Variants in CALN1 observed in about 807,000 individuals in gnomAD.
CALN1 encodes calneuron 1.
A neutral mutation model predicts 30.6 loss-of-function variants in CALN1; 17 were observed. The ratio of observed to expected loss-of-function variants is 0.56; its 90% CI spans 0.38 to 0.83. The LOEUF (loss-of-function observed/expected upper bound fraction) is 0.83. Among genes scored for constraint, CALN1 ranks in the 40% least tolerant of loss-of-function variants. The pLI is 0.00. For missense variants in CALN1, 291 were observed against 354.9 expected, an observed-to-expected ratio of 0.82 and a Z score of 1.45; for synonymous variants, 156 against 131.4, an observed-to-expected ratio of 1.19 and a Z score of -1.28.
chr7:72,437,681 T>C (rs1808209068), intron 1 of CALN1, among the ~76,000 whole-genome samples: 1 of 41,528 alleles, frequency 2.4e-5, no homozygotes, highest in Non-Finnish European at 5.0e-5. Context: ...TTTCCTTTTT[T>C]CTTTCCTTCC....
chr7:71,971,342 T>C (rs1797786845), intron 5 of CALN1, among the ~76,000 whole-genome samples: 1 of 151,806 alleles, frequency 6.6e-6, no homozygotes, highest in Admixed American at 6.6e-5. Context: ...CCCAGCTACT[T>C]GGGAGGCTGA....
intron 3 of CALN1, among the ~76,000 whole-genome samples, chr7:72,267,605 T>A (rs886229397): frequency 7.2e-5 from 11 of 152,358 alleles, no homozygotes; most frequent in African/African-American, 2.6e-4. Flanking sequence ...GCATGGGCTG[T>A]GCAGCCAGGT....
chr7:72,408,755 C>A (rs1806889974), intron 1 of CALN1, among the ~76,000 whole-genome samples: 1 of 141,406 alleles, frequency 7.1e-6, no homozygotes, highest in Admixed American at 7.6e-5. Context: ...TAGCTCCCTG[C>A]AGCCTCAACC....
chr7:71,902,115 T>C (rs1487042685), intron 5 of CALN1, among the ~76,000 whole-genome samples: 1 of 152,076 alleles, frequency 6.6e-6, no homozygotes, highest in Non-Finnish European at 1.5e-5. Flanking sequence ...GCAAAGGACA[T>C]GAACAGGCTG....
At chr7:72,034,719 C>T (rs542076558) in intron 4 of CALN1, among the ~76,000 whole-genome samples, 46 of 134,448 alleles carry the variant, frequency 3.4e-4, no homozygotes, top group Middle Eastern at 4.3e-3. Flanking sequence ...ACCTGGGAGG[C>T]GGAGATTGTG....
At chr7:72,233,307 G>A (rs998096240) in intron 3 of CALN1, among the ~76,000 whole-genome samples, 1 of 151,978 alleles carries the variant, frequency 6.6e-6, no homozygotes, top group African/African-American at 2.4e-5. Context: ...GACAGAATAA[G>A]AGCCAAAGGA....
intron 3 of CALN1, among the ~76,000 whole-genome samples, chr7:72,140,910 G>C (rs1211296616): frequency 9.2e-5 from 14 of 152,236 alleles, no homozygotes; most frequent in African/African-American, 2.9e-4. Context: ...CTGCAGTCCT[G>C]TGGCAGCTGG....
At chr7:72,378,497 T>C (rs561136974) in intron 2 of CALN1, among the ~76,000 whole-genome samples, 13 of 152,332 alleles carry the variant, frequency 8.5e-5, no homozygotes, top group Admixed American at 2.0e-4. Flanking sequence ...CACAGAATTT[T>C]AGAGTTCCCA....
At chr7:72,291,250 A>G (rs538037046) in intron 2 of CALN1, among the ~76,000 whole-genome samples, 3 of 152,066 alleles carry the variant, frequency 2.0e-5, no homozygotes, top group African/African-American at 7.2e-5. Context: ...CTTATTTCAT[A>G]TTTTTCTTCA....
At chr7:71,790,804 T>C (rs6460688) in intron 6 of CALN1, among the ~76,000 whole-genome samples, 54,536 of 152,014 alleles carry the variant, frequency 0.36, 10,101 homozygotes, top group East Asian at 0.51. Flanking sequence ...TTGCTAGACA[T>C]CCACTCGGGA....
At chr7:72,393,036 G>C (rs543793638) in intron 2 of CALN1, among the ~76,000 whole-genome samples, 1 of 152,076 alleles carries the variant, frequency 6.6e-6, no homozygotes, top group East Asian at 1.9e-4. Context: ...GAGTGTGTTA[G>C]ATGAATTCAG....
At chr7:72,084,706 G>GA in intron 4 of CALN1, among the ~76,000 whole-genome samples, 1 of 152,064 alleles carries the variant, frequency 6.6e-6, no homozygotes, top group East Asian at 1.9e-4. Context: ...GAACATGAAA[G>GA]AAAAAAGTGA....
At chr7:72,366,124 T>C (rs6955906) in intron 2 of CALN1, among the ~76,000 whole-genome samples, 1,947 of 150,322 alleles carry the variant, frequency 0.013, 58 homozygotes, top group African/African-American at 0.044. Context: ...GGTACATTCC[T>C]ATAATGAATA....
intron 5 of CALN1, among the ~76,000 whole-genome samples, chr7:71,911,295 T>C (rs1794412132): frequency 6.6e-6 from 1 of 152,206 alleles, no homozygotes; most frequent in African/African-American, 2.4e-5. Context: ...GCTTATATTT[T>C]ACATTTCAAA....
intron 3 of CALN1, among the ~76,000 whole-genome samples, chr7:72,254,886 C>T (rs1463062118): frequency 6.6e-6 from 1 of 152,082 alleles, no homozygotes; most frequent in Non-Finnish European, 1.5e-5. Flanking sequence ...CCTGCCTCAG[C>T]CTCCCAAGAA....
Position 72,209,332 on chromosome 7 carries a change from CCTTCCCTCT to C in CALN1, c.244+69345_244+69353del, listed in dbSNP as rs1562740215. ...TCCCTCCTTCCCTCCTTCCCTCTTTCCTTCCCTCTTTCCTTCCCTCCTTCCCTCTTTCCT... is the reference window on the plus strand; with the variant it reads ...TCCCTCCTTCCCTCCTTCCCTCTTTCTTCCTTCCCTCCTTCCCTCTTTCCT... On this transcript the variant is annotated intron_variant, in intron 3 of 6. Coordinates refer to ENST00000395275, the MANE Select transcript of CALN1 (RefSeq NM_031468.4). 4.9e-3 allele frequency among the ~76,000 whole-genome samples: 370 copies of C among 74,814 alleles called. 8 individuals carry two copies. The highest frequency in any genetic ancestry group is 7.4e-3 in the Non-Finnish European group (301 of 40,696). 49.1% of individuals were successfully genotyped at this position (74,814 alleles called of 152,430 possible).
chr7:71,876,711 A>G (rs1792265226), intron 5 of CALN1, among the ~76,000 whole-genome samples: 1 of 143,954 alleles, frequency 6.9e-6, no homozygotes, highest in Non-Finnish European at 1.5e-5. Flanking sequence ...TAATGTGTTT[A>G]GAAAACACAG....
At chr7:72,491,593 G>T in the CALN1 span, among the ~76,000 whole-genome samples, 1 of 152,142 alleles carries the variant, frequency 6.6e-6, no homozygotes, top group Non-Finnish European at 1.5e-5. Context: ...ATGGTGTTCT[G>T]CAGCCTGACA....
chr7:71,905,588 GA>G (rs1010332649), intron 5 of CALN1, among the ~76,000 whole-genome samples: 1 of 152,162 alleles, frequency 6.6e-6, no homozygotes, highest in Admixed American at 6.5e-5. Context: ...GGATAAGCAA[GA>G]AATGGATTAG....
Sources: gnomAD v4.1 joint callset for allele counts (sites outside exome capture counted in the v4.1 genomes callset) on GRCh38, gnomAD v4.1.1 for gene constraint, MANE v1.5 for transcripts, NCBI Gene and HGNC (gene_info 2026-07-23, HGNC 2026-07-21) for gene names.